RAB4A: variants seen among roughly 807,000 people sequenced by gnomAD.
The protein encoded by RAB4A is ras-related protein Rab-4A.
A neutral mutation model predicts 34.5 loss-of-function variants in RAB4A; 20 were observed. The observed-to-expected ratio is 0.58, with a 90% confidence interval of 0.41 to 0.84. RAB4A has a LOEUF of 0.84. Ranked by LOEUF, RAB4A falls within the 40% of genes least tolerant of loss-of-function variation. RAB4A has a pLI of 0.00. For synonymous variants in RAB4A, 102 were observed against 100.0 expected (o/e 1.02, Z -0.12); for missense variants, 228 against 274.5 (o/e 0.83, Z 1.20).
chr1:229,291,015 A>C (rs1657056068), intron 3 of RAB4A, among the ~76,000 whole-genome samples: 1 of 152,210 alleles, frequency 6.6e-6, no homozygotes, highest in African/African-American at 2.4e-5. Flanking sequence ...ACCACAGATG[A>C]AGTAAGGAAG....
Position 229,305,154 on chromosome 1 carries a change from C to A in RAB4A, c.*1361C>A. ...TGGGAAATGACTAGGATAAAAATATCAGTATGTATCTGTTTTAGATATTTT... is the reference window on the plus strand; with the variant it reads ...TGGGAAATGACTAGGATAAAAATATAAGTATGTATCTGTTTTAGATATTTT... On this transcript the variant is annotated 3_prime_UTR_variant, in exon 8 of 8. Coordinates refer to ENST00000366690, the MANE Select transcript of RAB4A (RefSeq NM_004578.4). The A allele has an allele frequency of 6.3e-7, 1 of 1,591,328 alleles. No homozygotes were observed. The highest frequency in any genetic ancestry group is 1.8e-5 in the Admixed American group (1 of 56,052).
At chr1:229,301,775 T>C (rs547396298) in intron 6 of RAB4A, among the ~76,000 whole-genome samples, 2 of 152,304 alleles carry the variant, frequency 1.3e-5, no homozygotes, top group South Asian at 4.1e-4. Flanking sequence ...ATGTATCATA[T>C]GATAGACTAC....
At position 229,299,082 on chromosome 1, in the gene RAB4A, T is replaced by G; in HGVS notation, c.541+10T>G. 6.3e-7 allele frequency: 1 copy of G among 1,579,980 alleles called. No individual in the cohort carries two copies. ...AACAAAATCGAATCAGGTAAAAGCC[T>G]TTCCATTAAGCAACTTTTCTTCTGC... On this transcript the variant is annotated intron_variant, in intron 6 of 7. Transcript: ENST00000366690.
chr1:229,286,491 T>C lies in RAB4A; in HGVS notation c.37T>C (p.Leu13=). Residue 13 remains leucine, a synonymous_variant, in exon 2 of 8, where the codon TTG becomes CTG. Coordinates refer to ENST00000366690, the MANE Select transcript of RAB4A (RefSeq NM_004578.4). The stretch of plus-strand genomic sequence containing the variant: ...AGTCTCTTTTTATCTTTCAGATTTT[T>C]TGTTTAAGTTCTTGGTTATTGGAAA... ...QTAMSETYDF[L]FKFLVIGNAG... is the part of the protein sequence containing the mutation. 1.3e-6 allele frequency: 2 copies of C among 1,566,352 alleles called. No individual in the cohort carries two copies. The highest frequency in any genetic ancestry group is 1.9e-5 in the Admixed American group (1 of 53,154).
chr1:229,297,744 A>C, intron 5 of RAB4A, 108 bp downstream of exon 5: 1 of 1,226,828 alleles, frequency 8.2e-7, no homozygotes, highest in Non-Finnish European at 1.1e-6. Context: ...AACTAGATTT[A>C]GGAAATGTGG....
chr1:229,302,800 C>A (rs1398350899), intron 6 of RAB4A, 62 bp from the exon 7 acceptor site: 31 of 1,064,788 alleles, frequency 2.9e-5, no homozygotes, highest in African/African-American at 5.0e-5. Flanking sequence ...TTTTTTTAAT[C>A]TATTTTTGGA....
Position 229,305,469 on chromosome 1 carries a change from C to T in RAB4A, c.*1676C>T, listed in dbSNP as rs575511558. The T allele has an allele frequency of 1.9e-6, 1 of 539,608 alleles. No individual in the cohort carries two copies. Among genetic ancestry groups the T allele is most frequent in the African/African-American group, 2.0e-5 (1 of 50,476 alleles). 33.4% of individuals were successfully genotyped at this position (539,608 alleles called of 1,614,324 possible). A position where few individuals can be genotyped will look rare whatever the true frequency, so the allele number is the denominator to read the frequency against. The stretch of plus-strand genomic sequence containing the variant: ...ACCACAGACACCATATATCCTTCTG[C>T]ATCCTTTGGCCAATAAAAGTTGCTG... On this transcript the variant is annotated 3_prime_UTR_variant, in exon 8 of 8. Transcript: ENST00000366690.
At chr1:229,294,436 C>T (rs754661566) in intron 3 of RAB4A, among the ~76,000 whole-genome samples, 3 of 152,236 alleles carry the variant, frequency 2.0e-5, no homozygotes, top group Admixed American at 6.5e-5. Flanking sequence ...ACTCCAGCTT[C>T]GGTTGCAGAG....
At chr1:229,274,781 G>A (rs237748) in intron 1 of RAB4A, among the ~76,000 whole-genome samples, 99,044 of 152,110 alleles carry the variant, frequency 0.65, 32,466 homozygotes, top group African/African-American at 0.71. Flanking sequence ...AATTTCTTTT[G>A]AAATTAAGTG....
At chr1:229,273,367 TA>T (rs1202918940) in intron 1 of RAB4A, among the ~76,000 whole-genome samples, 1 of 152,250 alleles carries the variant, frequency 6.6e-6, no homozygotes, top group Non-Finnish European at 1.5e-5. Flanking sequence ...AACTTCCAAG[TA>T]TGTTTTTACT....
chr1:229,299,263 A>G (rs890869166), intron 6 of RAB4A, among the ~76,000 whole-genome samples, 191 bp downstream of exon 6: 63 of 152,188 alleles, frequency 4.1e-4, no homozygotes, highest in African/African-American at 1.5e-3. Context: ...CCTTATCAGG[A>G]TGGTTTCCAT....
chr1:229,300,541 TGAGGAGGAAGGGCCAGCAGGG>T (rs1049246482), intron 6 of RAB4A, among the ~76,000 whole-genome samples: 3 of 151,706 alleles, frequency 2.0e-5, no homozygotes, highest in African/African-American at 7.3e-5. Flanking sequence ...TGGGACAAGG[TGAGGAGGAAGGGCCAGCAGGG>T]GAGGAGGAAC....
rs746603163 is a variant in RAB4A, at chr1:229,288,709, T to C, written c.113-20T>C. 6.4e-6 allele frequency: 8 copies of C among 1,255,444 alleles called. No homozygotes were observed. The East Asian group carries it at 1.4e-4, about 22-fold the overall frequency. The allele number at this position is 1,255,444 out of a possible 1,614,324, so 77.8% of individuals were successfully genotyped here. On this transcript the variant is annotated intron_variant, in intron 2 of 7. Coordinates refer to ENST00000366690, the MANE Select transcript of RAB4A (RefSeq NM_004578.4). ...TAATGTTCTAAAATTAAATATGCTGTTCTTGTTTTTCTTTTTTAGTCAAAG... is the reference window on the plus strand; with the variant it reads ...TAATGTTCTAAAATTAAATATGCTGCTCTTGTTTTTCTTTTTTAGTCAAAG...
Position 229,305,031 on chromosome 1 carries a change from T to C in RAB4A, c.*1238T>C, listed in dbSNP as rs1312779918. ...TTATATATGTTCTTCCACTGTGACT[T>C]TTTAGTTGAAGACTAGTAAATTAAC... On this transcript the variant is annotated 3_prime_UTR_variant, in exon 8 of 8. Transcript: ENST00000366690. The C allele has an allele frequency of 7.6e-7, 1 of 1,316,920 alleles. No individual in the cohort carries two copies. The highest frequency in any genetic ancestry group is 9.9e-7 in the Non-Finnish European group (1 of 1,009,790). 81.6% of individuals were successfully genotyped at this position (1,316,920 alleles called of 1,614,324 possible).
At chr1:229,300,904 A>C (rs1351151826) in intron 6 of RAB4A, among the ~76,000 whole-genome samples, 1 of 152,196 alleles carries the variant, frequency 6.6e-6, no homozygotes, top group Non-Finnish European at 1.5e-5. Context: ...AAAAAAGATG[A>C]AAAAGGAAAT....
chr1:229,277,556 C>A (rs749553617), intron 1 of RAB4A, among the ~76,000 whole-genome samples: 1 of 151,368 alleles, frequency 6.6e-6, no homozygotes, highest in Non-Finnish European at 1.5e-5. Flanking sequence ...TCTGCCAGCT[C>A]CTCGTTGCTG....
chr1:229,290,330 C>T (rs1203813572), intron 3 of RAB4A, among the ~76,000 whole-genome samples: 1 of 152,156 alleles, frequency 6.6e-6, no homozygotes, highest in Non-Finnish European at 1.5e-5. Context: ...AAATGAAAGC[C>T]TCTGGCCCCC....
intron 1 of RAB4A, among the ~76,000 whole-genome samples, chr1:229,271,874 C>T (rs997952689): frequency 6.6e-6 from 1 of 152,214 alleles, no homozygotes; most frequent in Non-Finnish European, 1.5e-5. Flanking sequence ...ATTCATTCAT[C>T]TCTTCCTCCG....
At chr1:229,277,302 G>A (rs1231301362) in intron 1 of RAB4A, among the ~76,000 whole-genome samples, 1 of 150,912 alleles carries the variant, frequency 6.6e-6, no homozygotes. Context: ...TTTAATTCAG[G>A]CTTAGGTAAA....
Sources: allele counts gnomAD v4.1 joint callset (sites outside exome capture counted in the v4.1 genomes callset), GRCh38; gene constraint gnomAD v4.1.1; transcripts MANE v1.5; gene names NCBI Gene and HGNC (gene_info 2026-07-23, HGNC 2026-07-21).